The following MBD3L1 variants were observed in gnomAD, a reference collection of about 807,000 sequenced individuals.
The protein encoded by MBD3L1 is methyl-CpG-binding domain protein 3-like 1.
For synonymous variants in MBD3L1, 84 were observed against 85.1 expected (o/e 0.99, Z 0.07); for missense variants, 203 against 230.1 (o/e 0.88, Z 0.76).
At chr19:8,842,537 G>C (rs2044523850) in intron 2 of MBD3L1, 121 bp from the exon 3 acceptor site, 2 of 694,970 alleles carry the variant, frequency 2.9e-6, no homozygotes, top group Non-Finnish European at 4.8e-6. Context: ...CCAGGAAGCA[G>C]GTCAGACCTA....
At chr19:8,839,152 C>T (rs188198776) in intron 1 of MBD3L1, among the ~76,000 whole-genome samples, 6 of 136,232 alleles carry the variant, frequency 4.4e-5, no homozygotes, top group East Asian at 2.4e-4. Flanking sequence ...GTACTTGCCC[C>T]GTATTTAGAT....
At chr19:8,837,525 T>A (rs2044467371) in intron 1 of MBD3L1, among the ~76,000 whole-genome samples, 1 of 152,158 alleles carries the variant, frequency 6.6e-6, no homozygotes, top group Admixed American at 6.6e-5. Context: ...CGACAACCAC[T>A]TAATGCCTGG....
chr19:8,841,790 C>T (rs377634635), intron 2 of MBD3L1, among the ~76,000 whole-genome samples: 1 of 152,114 alleles, frequency 6.6e-6, no homozygotes, highest in African/African-American at 2.4e-5. Context: ...CTCCTGACCT[C>T]AAGCGATTCG....
intron 1 of MBD3L1, among the ~76,000 whole-genome samples, chr19:8,835,336 G>T (rs951894338): frequency 6.6e-6 from 1 of 152,110 alleles, no homozygotes; most frequent in African/African-American, 2.4e-5. Flanking sequence ...ACAGGTGTGA[G>T]CCACTGCACC....
chr19:8,836,326 G>C (rs1192342683), intron 1 of MBD3L1, among the ~76,000 whole-genome samples: 2 of 151,950 alleles, frequency 1.3e-5, no homozygotes, highest in Admixed American at 1.3e-4. Flanking sequence ...CTACAAAAAT[G>C]TGAGTTCTTC....
In MBD3L1 at chr19:8,834,859, A is replaced by G. The variant is rs74920199; in HGVS notation, c.-107+2337A>G. Among the ~76,000 whole-genome samples the G allele has an allele frequency of 2.9e-3, 437 of 152,272 alleles. 2 individuals are homozygous for G. The highest frequency in any genetic ancestry group is 8.7e-3 in the African/African-American group (360 of 41,572). On this transcript the variant is annotated intron_variant, in intron 1 of 2. Transcript: ENST00000595891. ...GACATCAAAAACAGGTGGCGAAAGA[A>G]AAAATATATAAATTGGACTTAACAT... is the stretch of plus-strand genomic sequence containing the variant.
chr19:8,837,929 A>G (rs2044470865), intron 1 of MBD3L1, among the ~76,000 whole-genome samples: 1 of 152,098 alleles, frequency 6.6e-6, no homozygotes, highest in African/African-American at 2.4e-5. Context: ...CACAGGAGAC[A>G]GCAAGGCTGA....
At chr19:8,838,609 A>G (rs1309428426) in intron 1 of MBD3L1, among the ~76,000 whole-genome samples, 1 of 152,208 alleles carries the variant, frequency 6.6e-6, no homozygotes, top group Admixed American at 6.5e-5. Context: ...GATGGCCAAC[A>G]TATTCTCATG....
At chr19:8,839,441 C>T (rs2044489099) in intron 1 of MBD3L1, among the ~76,000 whole-genome samples, 1 of 152,078 alleles carries the variant, frequency 6.6e-6, no homozygotes, top group South Asian at 2.1e-4. Context: ...ACCTCATGAT[C>T]TGCCCGCCTC....
rs543558136 is a variant in MBD3L1, at chr19:8,837,578, C to T, written c.-106-3337C>T. 3.9e-5 allele frequency among the ~76,000 whole-genome samples: 6 copies of T among 152,212 alleles called. No individual in the cohort carries two copies. In the South Asian group the frequency reaches 1.2e-3, roughly 32 times the overall value. Reference sequence around the variant, plus strand: ...TGGGGGTGGCTAGAAACTTCTCTGGCTGGAGGGCAGAAGGCAGAGTGCAAA... The same window carrying T: ...TGGGGGTGGCTAGAAACTTCTCTGGTTGGAGGGCAGAAGGCAGAGTGCAAA... On this transcript the variant is annotated intron_variant, in intron 1 of 2. Transcript: ENST00000595891.
intron 1 of MBD3L1, 36 bp from the exon 2 acceptor site, chr19:8,840,879 C>G (rs1389216496): frequency 6.6e-6 from 1 of 152,052 alleles, no homozygotes; most frequent in Non-Finnish European, 1.5e-5. Context: ...TATAGTGGCA[C>G]TAAGACGTCA....
intron 1 of MBD3L1, among the ~76,000 whole-genome samples, chr19:8,836,762 G>C (rs1051213361): frequency 6.6e-6 from 1 of 152,186 alleles, no homozygotes. Flanking sequence ...AAAGTGCTGG[G>C]ATTTTAGGCA....
chr19:8,834,643 A>C (rs1430999873), intron 1 of MBD3L1, among the ~76,000 whole-genome samples: 1 of 151,830 alleles, frequency 6.6e-6, no homozygotes, highest in African/African-American at 2.4e-5. Context: ...AAAAACAAAA[A>C]AAAAACCAAC....
intron 1 of MBD3L1, among the ~76,000 whole-genome samples, chr19:8,834,281 A>G (rs2044428789): frequency 1.3e-5 from 2 of 152,184 alleles, no homozygotes; most frequent in Non-Finnish European, 2.9e-5. Context: ...CTCTTCAACA[A>G]ATTGTGCTGG....
chr19:8,837,945 T>C (rs926488106), intron 1 of MBD3L1, among the ~76,000 whole-genome samples: 2 of 152,014 alleles, frequency 1.3e-5, no homozygotes, highest in Non-Finnish European at 2.9e-5. Flanking sequence ...GCTGAAATTC[T>C]ACCCAGAAGA....
At chr19:8,836,094 A>C (rs527450010) in intron 1 of MBD3L1, among the ~76,000 whole-genome samples, 4 of 152,206 alleles carry the variant, frequency 2.6e-5, no homozygotes, top group African/African-American at 9.7e-5. Flanking sequence ...AACTGTGTGA[A>C]TGTACTAAAA....
chr19:8,841,012 G>A lies in MBD3L1; in HGVS notation c.-22+13G>A, dbSNP rs1202186400. 6.7e-6 allele frequency: 1 copy of A among 150,238 alleles called. No individual in the cohort carries two copies. The highest frequency in any genetic ancestry group is 1.5e-5 in the Non-Finnish European group (1 of 67,650). 9.3% of individuals were successfully genotyped at this position (150,238 alleles called of 1,614,324 possible). On this transcript the variant is annotated intron_variant, in intron 2 of 2. Transcript: ENST00000595891. ...GGTGTGATAAGTGGTAAGGAATTTT[G>A]GATTAATCTAAATGAATTTTTTTTT...
chr19:8,838,367 C>A (rs1455197564), intron 1 of MBD3L1, among the ~76,000 whole-genome samples: 1 of 147,848 alleles, frequency 6.8e-6, no homozygotes, highest in Non-Finnish European at 1.5e-5. Context: ...AAAGGAATTG[C>A]TAAGGATGGA....
chr19:8,842,636 AT>A, intron 2 of MBD3L1, 21 bp from the exon 3 acceptor site: 1 of 1,540,300 alleles, frequency 6.5e-7, no homozygotes, highest in Non-Finnish European at 8.9e-7. Context: ...ATTTGACCCC[AT>A]TTCATGATTT....
Sources: allele counts gnomAD v4.1 joint callset (sites outside exome capture counted in the v4.1 genomes callset), GRCh38; gene constraint gnomAD v4.1.1; transcripts MANE v1.5; gene names NCBI Gene and HGNC (gene_info 2026-07-23, HGNC 2026-07-21).